Variants in PTPRG observed in about 807,000 individuals in gnomAD.
PTPRG encodes protein tyrosine phosphatase receptor type G, also known as receptor-type tyrosine-protein phosphatase gamma.
Under a neutral mutation model 165.3 loss-of-function variants are expected in PTPRG, and 102 were observed. That is an observed-to-expected ratio of 0.62 (90% CI 0.53 to 0.73). The LOEUF is 0.73. PTPRG is among the 30% of genes least tolerant of loss of function. The probability of loss-of-function intolerance (pLI) is 0.00; values close to 1 mark genes in which losing one functional copy is unlikely to be tolerated. For missense variants in PTPRG, 1,866 were observed against 1,861.4 expected, an observed-to-expected ratio of 1.00 and a Z score of -0.05; for synonymous variants, 675 against 669.5, an observed-to-expected ratio of 1.01 and a Z score of -0.13.
At chr3:62,128,689 C>G (rs1703403988) in intron 5 of PTPRG, among the ~76,000 whole-genome samples, 1 of 150,026 alleles carries the variant, frequency 6.7e-6, no homozygotes. Flanking sequence ...CCATACCTGA[C>G]TCAGAATTCC....
chr3:61,585,457 A>G (rs142630290), intron 1 of PTPRG, among the ~76,000 whole-genome samples: 1 of 151,382 alleles, frequency 6.6e-6, no homozygotes, highest in African/African-American at 2.4e-5. Flanking sequence ...CTAAAAAACA[A>G]TATTAGAGGC....
chr3:61,869,564 C>T (rs945831841), intron 2 of PTPRG, among the ~76,000 whole-genome samples: 8 of 151,612 alleles, frequency 5.3e-5, no homozygotes, highest in Non-Finnish European at 1.0e-4. Context: ...TAACCCTCCC[C>T]TCCCCTCCCC....
At position 61,849,477 on chromosome 3, in the gene PTPRG, G is replaced by A. The variant is rs117377174; in HGVS notation, c.190+100495G>A. ...TATTTGAAAGCTCTCCCTGAAAGAT[G>A]GATTTGAAATAAAACAGAGTCTCGC... On this transcript the variant is annotated intron_variant, in intron 2 of 29. Coordinates refer to ENST00000474889, the MANE Select transcript of PTPRG (RefSeq NM_002841.4). 4.9e-4 allele frequency among the ~76,000 whole-genome samples: 74 copies of A among 152,240 alleles called. 1 individual carries two copies. The East Asian group carries it at 6.9e-3, about 14-fold the overall frequency.
chr3:61,705,522 T>A (rs1438266548), intron 1 of PTPRG, among the ~76,000 whole-genome samples: 2 of 151,078 alleles, frequency 1.3e-5, no homozygotes, highest in African/African-American at 4.9e-5. Flanking sequence ...AAAAAAAAAA[T>A]ACTATTTACT....
At chr3:62,261,273 A>G (rs552301702) in intron 16 of PTPRG, among the ~76,000 whole-genome samples, 1 of 152,342 alleles carries the variant, frequency 6.6e-6, no homozygotes, top group African/African-American at 2.4e-5. Flanking sequence ...CATTTTCAAA[A>G]GTTGTCTGCC....
intron 2 of PTPRG, among the ~76,000 whole-genome samples, chr3:61,895,881 A>C (rs2107510065): frequency 6.6e-6 from 1 of 152,216 alleles, no homozygotes. Context: ...TTAAATTTTT[A>C]TTCAGATTGT....
chr3:61,760,626 G>A (rs11916020), intron 2 of PTPRG, among the ~76,000 whole-genome samples: 6,131 of 152,112 alleles, frequency 0.04, 401 homozygotes, highest in African/African-American at 0.14. Flanking sequence ...TTTAAGTTCA[G>A]GGGTACTTGT....
rs138482739 is a variant in PTPRG, at chr3:61,728,502, C to T, written c.86-20376C>T. On this transcript the variant is annotated intron_variant, in intron 1 of 29. Coordinates refer to ENST00000474889, the MANE Select transcript of PTPRG (RefSeq NM_002841.4). ...GGAGGTTGAGGCAAGAGGATCATTT[C>T]AGCCTAGGAGTTAGAGGCTGCAGTG... Among the ~76,000 whole-genome samples, 661 of 152,186 alleles carry T rather than the reference C, an allele frequency of 4.3e-3. 6 individuals are homozygous for T. The highest frequency in any genetic ancestry group is 0.015 in the African/African-American group (629 of 41,504).
rs960629575 is a variant in PTPRG, at chr3:62,214,322, G to A, written c.2156-4529G>A. Among the ~76,000 whole-genome samples the A allele has an allele frequency of 3.3e-5, 5 of 152,234 alleles. No individual in the cohort carries two copies. Among genetic ancestry groups the A allele is most frequent in the African/African-American group, 1.2e-4 (5 of 41,462 alleles). On this transcript the variant is annotated intron_variant, in intron 12 of 29. Coordinates refer to ENST00000474889, the MANE Select transcript of PTPRG (RefSeq NM_002841.4). The surrounding 1 kb of genome is among the most constrained non-coding windows in gnomAD (Gnocchi z 5.2). ...GTTGCTAGGATGGTGGCGGGTGATG[G>A]TGTTGCCGAAGCTGGGGTGGTGGTG...
intron 2 of PTPRG, among the ~76,000 whole-genome samples, chr3:61,782,451 G>A (rs955282272): frequency 6.6e-6 from 1 of 152,186 alleles, no homozygotes; most frequent in African/African-American, 2.4e-5. Context: ...CCAGGCTGAT[G>A]AACCCTGCCT....
chr3:61,910,443 C>G (rs2038772474), intron 2 of PTPRG, among the ~76,000 whole-genome samples: 1 of 152,184 alleles, frequency 6.6e-6, no homozygotes, highest in Non-Finnish European at 1.5e-5. Flanking sequence ...GAAATGGTAA[C>G]TCACTGTTTT....
intron 2 of PTPRG, among the ~76,000 whole-genome samples, chr3:61,775,346 TAGGCATG>T (rs1403443210): frequency 6.6e-6 from 1 of 152,100 alleles, no homozygotes; most frequent in Non-Finnish European, 1.5e-5. Flanking sequence ...GCTGGGATTA[TAGGCATG>T]AGGCACTGCA....
intron 1 of PTPRG, among the ~76,000 whole-genome samples, chr3:61,674,036 G>A (rs1703128554): frequency 2.0e-5 from 3 of 151,802 alleles, no homozygotes; most frequent in Admixed American, 6.6e-5. Flanking sequence ...TTTGTGGGGT[G>A]GGTGGGGTAG....
At chr3:62,150,947 G>A (rs554627509) in intron 6 of PTPRG, among the ~76,000 whole-genome samples, 41 of 152,194 alleles carry the variant, frequency 2.7e-4, no homozygotes, top group South Asian at 8.3e-4. Flanking sequence ...ACTGTTCATC[G>A]TATTTTATAA....
intron 6 of PTPRG, among the ~76,000 whole-genome samples, chr3:62,153,066 A>C (rs949319234): frequency 3.9e-5 from 6 of 152,260 alleles, no homozygotes; most frequent in Non-Finnish European, 8.8e-5. Flanking sequence ...TTTCAAATAC[A>C]GTTAATAAGA....
chr3:61,957,553 A>C (rs916994922), intron 2 of PTPRG, among the ~76,000 whole-genome samples: 1 of 152,196 alleles, frequency 6.6e-6, no homozygotes, highest in East Asian at 1.9e-4. Flanking sequence ...CTGCTGTTGT[A>C]ATTGCCAGCT....
Position 62,047,263 on chromosome 3 carries a change from T to TTATTTATTTATTTATTTATTTATTTATG in PTPRG, c.520-30891_520-30890insATTTATTTATTTATTTATGTATTTATTT, listed in dbSNP as rs72146414. On this transcript the variant is annotated intron_variant, in intron 4 of 29. Coordinates refer to ENST00000474889, the MANE Select transcript of PTPRG (RefSeq NM_002841.4). ...AGCTTCCTATTATTTATTTATTTAT[T>TTATTTATTTATTTATTTATTTATTTATG]TATTTATTTTTATTGAGATGGAGTC... 8.8e-4 allele frequency among the ~76,000 whole-genome samples: 132 copies of TTATTTATTTATTTATTTATTTATTTATG among 149,956 alleles called. 1 individual carries two copies. The highest frequency in any genetic ancestry group is 2.6e-3 in the African/African-American group (107 of 41,024).
At chr3:61,650,149 A>G (rs902547433) in intron 1 of PTPRG, among the ~76,000 whole-genome samples, 3 of 152,210 alleles carry the variant, frequency 2.0e-5, no homozygotes, top group African/African-American at 7.2e-5. Context: ...GTACAAATGC[A>G]GTGATACATA....
rs777757156 is a variant in PTPRG at position 62,191,650 on chromosome 3, C to G, written c.1215C>G (p.Asp405Glu). The change falls in exon 9 of 30, where the codon GAC (aspartate) becomes GAG (glutamate). Residue 405 changes from aspartate to glutamate, a missense_variant. By Grantham distance (45) the Asp-to-Glu change is conservative (BLOSUM62 2). Transcript: ENST00000474889. ...EKTFTKDSDK[D>E]LKATISHVSP... ...CGTTTACAAAGGACAGCGACAAAGA[C>G]TTGGTATGAAGCCCCTCCTCTGATT... The G allele has an allele frequency of 1.2e-6, 2 of 1,613,808 alleles. No individual in the cohort carries two copies. Among genetic ancestry groups the G allele is most frequent in the South Asian group, 1.1e-5 (1 of 91,044 alleles).
Sources: gnomAD v4.1 joint callset for allele counts (sites outside exome capture counted in the v4.1 genomes callset) on GRCh38, gnomAD v4.1.1 for gene constraint, Gnocchi (gnomAD v3.1) non-coding constraint, MANE v1.5 for transcripts, NCBI Gene and HGNC (gene_info 2026-07-23, HGNC 2026-07-21) for gene names.